The following FBXW4 variants were observed in gnomAD, a reference collection of about 807,000 sequenced individuals.
The protein encoded by FBXW4 is F-box/WD repeat-containing protein 4.
In FBXW4, 40 loss-of-function variants were observed where a neutral mutation model predicts 61.8. That is an observed-to-expected ratio of 0.65 (90% confidence interval 0.50 to 0.84). FBXW4 has a LOEUF of 0.84. Among genes scored for constraint, FBXW4 ranks in the 40% least tolerant of loss-of-function variants. The pLI is 0.00. For synonymous variants in FBXW4, 311 were observed against 313.8 expected (o/e 0.99, Z 0.10); for missense variants, 672 against 753.8 (o/e 0.89, Z 1.27).
At chr10:101,665,812 G>A (rs748661579) in intron 5 of FBXW4, among the ~76,000 whole-genome samples, 1 of 152,138 alleles carries the variant, frequency 6.6e-6, no homozygotes, top group Non-Finnish European at 1.5e-5. Context: ...ACACATTCCA[G>A]AGGAGGAGGC....
intron 5 of FBXW4, among the ~76,000 whole-genome samples, chr10:101,640,914 T>G (rs2134843924): frequency 6.7e-6 from 1 of 149,264 alleles, no homozygotes; most frequent in South Asian, 2.2e-4. Context: ...CACTGCAACC[T>G]CCACCTCCCA....
intron 2 of FBXW4, among the ~76,000 whole-genome samples, chr10:101,674,944 C>T (rs1476159585): frequency 2.6e-5 from 4 of 152,164 alleles, no homozygotes; most frequent in Non-Finnish European, 5.9e-5. Flanking sequence ...TTACCAGGTC[C>T]CAAGAAAAGC....
chr10:101,691,212 T>G (rs1489477722), intron 1 of FBXW4, among the ~76,000 whole-genome samples: 2 of 152,150 alleles, frequency 1.3e-5, no homozygotes, highest in Non-Finnish European at 2.9e-5. Context: ...CTTGCTGTAC[T>G]TTGGGCCCGG....
intron 5 of FBXW4, among the ~76,000 whole-genome samples, chr10:101,628,280 CA>C (rs2063923225): frequency 2.0e-5 from 3 of 152,224 alleles, no homozygotes; most frequent in Admixed American, 1.3e-4. Flanking sequence ...TCTCTTCCCT[CA>C]GGGGTATTCC....
chr10:101,676,478 T>C (rs748178921), intron 1 of FBXW4, 42 bp from the exon 2 acceptor site: 17 of 1,529,702 alleles, frequency 1.1e-5, no homozygotes, highest in Non-Finnish European at 1.5e-5. Flanking sequence ...CTACAACTTA[T>C]TGCCAACCAC....
Position 101,611,973 on chromosome 10 carries a change from C to T in FBXW4, c.1443-204G>A, listed in dbSNP as rs1241740377. Among the ~76,000 whole-genome samples the T allele has an allele frequency of 5.3e-5, 8 of 152,242 alleles. No homozygotes were observed. Among genetic ancestry groups the T allele is most frequent in the Non-Finnish European group, 1.0e-4 (7 of 68,046 alleles). ...TAGAGGGCTCTCGCCATGGCCCAGA[C>T]GACACAGCAGATTATGCCTGCACTT... On this transcript the variant is annotated intron_variant, in intron 7 of 8. Coordinates refer to ENST00000331272, the MANE Select transcript of FBXW4 (RefSeq NM_022039.4). This position sits in a 1 kb window ranked among gnomAD's most constrained non-coding sequence, Gnocchi z 4.9.
At chr10:101,621,351 A>G (rs2134811873) in intron 6 of FBXW4, among the ~76,000 whole-genome samples, 1 of 152,314 alleles carries the variant, frequency 6.6e-6, no homozygotes, top group South Asian at 2.1e-4. Flanking sequence ...ACATAGCGAG[A>G]CCTTGTCTCT....
chr10:101,668,593 G>A (rs577367421), intron 4 of FBXW4, among the ~76,000 whole-genome samples: 6 of 152,294 alleles, frequency 3.9e-5, no homozygotes, highest in Admixed American at 1.3e-4. Flanking sequence ...GTCACCAAAA[G>A]TAGCAGAAAA....
In FBXW4 at chr10:101,661,876, C is replaced by T. The variant is rs2064247819; in HGVS notation, c.1235+6010G>A. 2.6e-5 allele frequency among the ~76,000 whole-genome samples: 4 copies of T among 152,170 alleles called. No homozygotes were observed. In the South Asian group the frequency reaches 8.3e-4, roughly 32 times the overall value. On this transcript the variant is annotated intron_variant, in intron 5 of 8. Transcript: ENST00000331272. ...TCCACGCCATCAGGAGGACCAGCTACAATGCAGAGCACTATAGTCATCCAC... is the reference window on the plus strand; with the variant it reads ...TCCACGCCATCAGGAGGACCAGCTATAATGCAGAGCACTATAGTCATCCAC...
At position 101,694,347 on chromosome 10, in the gene FBXW4, G is replaced by C. The variant is rs2064647938; in HGVS notation, c.725+34C>G. On this transcript the variant is annotated intron_variant, in intron 1 of 8. Transcript: ENST00000331272. This position sits in a 1 kb window ranked among gnomAD's most constrained non-coding sequence, Gnocchi z 6.0. ...CTTTCCCGGGACGCGGGGCCGGCTC[G>C]GGGCGGGGAGCGGGCGGGCGAGCGG... The C allele has an allele frequency of 2.2e-6, 3 of 1,345,928 alleles. No homozygotes were observed. Among genetic ancestry groups the C allele is most frequent in the Non-Finnish European group, 2.8e-6 (3 of 1,056,176 alleles). The allele number at this position is 1,345,928 out of a possible 1,614,324, so 83.4% of individuals were successfully genotyped here. A position where few individuals can be genotyped will look rare whatever the true frequency, so the allele number is the denominator to read the frequency against.
chr10:101,664,371 A>G (rs2064275900), intron 5 of FBXW4, among the ~76,000 whole-genome samples: 1 of 152,242 alleles, frequency 6.6e-6, no homozygotes, highest in Non-Finnish European at 1.5e-5. Flanking sequence ...GTTCCTCCTA[A>G]CTGCATAAGG....
intron 5 of FBXW4, among the ~76,000 whole-genome samples, chr10:101,653,157 G>A (rs1430127958): frequency 6.6e-6 from 1 of 152,132 alleles, no homozygotes; most frequent in East Asian, 1.9e-4. Context: ...CTGATGTGCA[G>A]TCATGTCTGA....
At chr10:101,663,948 G>C (rs1476850003) in intron 5 of FBXW4, among the ~76,000 whole-genome samples, 2 of 152,202 alleles carry the variant, frequency 1.3e-5, no homozygotes, top group Admixed American at 1.3e-4. Context: ...ATGGGTAGAA[G>C]GGTATGCGAG....
At position 101,612,366 on chromosome 10, in the gene FBXW4, A is replaced by T. The variant is rs2063794392; in HGVS notation, c.1413T>A (p.Val471=). ...TLLSCGYDTY[V]RYWDLRTSVR... is the part of the protein sequence containing the mutation. ...CGCTGGTGCGGAGGTCCCAGTAGCG[A>T]ACATAGGTGTCATAGCCACAGGACA... Residue 471 remains valine (V), a synonymous_variant, in exon 7 of 9, where the codon GTT becomes GTA. Coordinates refer to ENST00000331272, the MANE Select transcript of FBXW4 (RefSeq NM_022039.4). The T allele has an allele frequency of 6.3e-7, 1 of 1,591,044 alleles. No individual in the cohort carries two copies. The highest frequency in any genetic ancestry group is 1.3e-5 in the African/African-American group (1 of 74,436).
At chr10:101,632,126 C>G (rs138484361) in intron 5 of FBXW4, among the ~76,000 whole-genome samples, 1 of 152,100 alleles carries the variant, frequency 6.6e-6, no homozygotes, top group Non-Finnish European at 1.5e-5. Flanking sequence ...AAGGGAGGTG[C>G]CCCACTGGCC....
Position 101,694,195 on chromosome 10 carries a change from C to T in FBXW4, c.725+186G>A, listed in dbSNP as rs1402802211. Among the ~76,000 whole-genome samples, 1 of 152,096 alleles carries T rather than the reference C, an allele frequency of 6.6e-6. No individual in the cohort carries two copies. Among genetic ancestry groups the T allele is most frequent in the Non-Finnish European group, 1.5e-5 (1 of 67,986 alleles). ...CTCGGGAGGCTGCCTCAGATGGAGG[C>T]CTTGGGGAGGAGGGGCAAAGGGGTC... On this transcript the variant is annotated intron_variant, in intron 1 of 8. Transcript: ENST00000331272. This position sits in a 1 kb window ranked among gnomAD's most constrained non-coding sequence, Gnocchi z 6.0.
chr10:101,648,428 T>A (rs1253243253), intron 5 of FBXW4, among the ~76,000 whole-genome samples: 1 of 152,168 alleles, frequency 6.6e-6, no homozygotes, highest in Non-Finnish European at 1.5e-5. Flanking sequence ...TAGACAGAAC[T>A]TAGGTAAGTC....
intron 4 of FBXW4, among the ~76,000 whole-genome samples, chr10:101,670,533 C>T (rs554481037): frequency 3.4e-4 from 52 of 152,346 alleles, no homozygotes; most frequent in Middle Eastern, 6.8e-3. Flanking sequence ...CTTTCTGGCT[C>T]TTGCCCTAGA....
intron 6 of FBXW4, among the ~76,000 whole-genome samples, chr10:101,619,059 T>C (rs1421634424): frequency 1.3e-5 from 2 of 152,162 alleles, no homozygotes; most frequent in South Asian, 4.1e-4. Context: ...TGCTCAAACA[T>C]AGAGAACACA....
Sources: allele counts gnomAD v4.1 joint callset (sites outside exome capture counted in the v4.1 genomes callset), GRCh38; gene constraint gnomAD v4.1.1; non-coding constraint Gnocchi (gnomAD v3.1); transcripts MANE v1.5; gene names NCBI Gene and HGNC (gene_info 2026-07-23, HGNC 2026-07-21).